The following WDFY1 variants were observed in gnomAD, a reference collection of about 807,000 sequenced individuals.
The protein encoded by WDFY1 is WD repeat and FYVE domain-containing protein 1.
WDFY1 carries 32 observed loss-of-function variants against 56.4 expected under a neutral mutation model. The ratio of observed to expected loss-of-function variants is 0.57; its 90% confidence interval spans 0.43 to 0.76. The LOEUF is 0.76. Among genes scored for constraint, WDFY1 ranks in the 30% least tolerant of loss-of-function variants. The pLI, the probability that WDFY1 is intolerant of heterozygous loss-of-function variation, is 0.00. For synonymous variants in WDFY1, 192 were observed against 197.3 expected (o/e 0.97, Z 0.23); for missense variants, 480 against 545.7 (o/e 0.88, Z 1.20).
At chr2:223,914,585 A>T (rs544746683) in intron 2 of WDFY1, among the ~76,000 whole-genome samples, 1 of 152,320 alleles carries the variant, frequency 6.6e-6, no homozygotes, top group East Asian at 1.9e-4. Context: ...CCAAATGTTT[A>T]CTGTCTGGCC....
At chr2:223,925,046 A>T (rs1289687741) in intron 1 of WDFY1, among the ~76,000 whole-genome samples, 1 of 152,214 alleles carries the variant, frequency 6.6e-6, no homozygotes, top group Non-Finnish European at 1.5e-5. Context: ...CTACAAATTT[A>T]AAAAACTTCA....
At chr2:223,881,435 G>A (rs1693069420) in intron 10 of WDFY1, among the ~76,000 whole-genome samples, 1 of 152,134 alleles carries the variant, frequency 6.6e-6, no homozygotes, top group South Asian at 2.1e-4. Context: ...AGTCAGAGGG[G>A]CAACTTAAGA....
At chr2:223,910,987 A>G (rs1574770631) in intron 3 of WDFY1, among the ~76,000 whole-genome samples, 2 of 152,238 alleles carry the variant, frequency 1.3e-5, no homozygotes, top group African/African-American at 4.8e-5. Flanking sequence ...AACGTTATTG[A>G]TAATAGCCAA....
At chr2:223,901,996 C>T (rs767525641) in intron 4 of WDFY1, among the ~76,000 whole-genome samples, 26 of 152,156 alleles carry the variant, frequency 1.7e-4, no homozygotes, top group Non-Finnish European at 3.5e-4. Context: ...TAAGCCACAC[C>T]GGGGCAGTGT....
At chr2:223,890,190 G>C (rs898511604) in intron 8 of WDFY1, among the ~76,000 whole-genome samples, 1 of 152,164 alleles carries the variant, frequency 6.6e-6, no homozygotes, top group African/African-American at 2.4e-5. Context: ...ATATTACTTT[G>C]GCTGGGCGCA....
chr2:223,929,209 C>CA (rs1694037011), intron 1 of WDFY1, among the ~76,000 whole-genome samples: 3 of 46,298 alleles, frequency 6.5e-5, no homozygotes, highest in African/African-American at 2.4e-4. Flanking sequence ...TTTTTTGAGA[C>CA]AGAGTTTTGC....
intron 1 of WDFY1, among the ~76,000 whole-genome samples, chr2:223,918,754 G>C (rs1410628248): frequency 6.6e-6 from 1 of 152,190 alleles, no homozygotes; most frequent in Non-Finnish European, 1.5e-5. Flanking sequence ...TCTGGGCCGA[G>C]AGGAAGGCGG....
chr2:223,904,737 T>C (rs1478141102), intron 4 of WDFY1, among the ~76,000 whole-genome samples: 2 of 152,148 alleles, frequency 1.3e-5, no homozygotes, highest in Non-Finnish European at 2.9e-5. Context: ...TTTAGAAATA[T>C]AGAGTGAATA....
intron 1 of WDFY1, among the ~76,000 whole-genome samples, chr2:223,942,527 CTTTTTTT>C (rs57223015): frequency 2.7e-5 from 2 of 74,220 alleles, no homozygotes; most frequent in African/African-American, 6.2e-5. Context: ...CAAAGGCTAA[CTTTTTTT>C]TTTTTTTTTT....
In WDFY1 at chr2:223,894,251, C is replaced by T; in HGVS notation, c.814G>A (p.Asp272Asn). 6.2e-7 allele frequency: 1 copy of T among 1,614,186 alleles called. No individual in the cohort carries two copies. Among genetic ancestry groups the T allele is most frequent in the Non-Finnish European group, 8.5e-7 (1 of 1,180,006 alleles). Reference protein sequence around the residue: ...SDGGIAVWNMDVSREEAPQWL... With the variant: ...SDGGIAVWNMNVSREEAPQWL... ...TCTCTTACCTCTTCTCTGCTAACAT[C>T]CATGTTCCACACTGCAATTCCGCCG... Residue 272 changes from aspartate to asparagine, a missense_variant, in exon 8 of 12, where the codon GAT becomes AAT. Physicochemically the swap from Asp to Asn is conservative, Grantham distance 23. Coordinates refer to ENST00000233055, the MANE Select transcript of WDFY1 (RefSeq NM_020830.5).
Position 223,891,488 on chromosome 2 carries a change from CA to C in WDFY1, c.831+2745del, listed in dbSNP as rs146042625. Reference sequence around the variant, plus strand: ...TCTCAGTTATTAAAAAACAAACAAACAAAAAAACCCACTAAAAATAATGCAT... The same window carrying C: ...TCTCAGTTATTAAAAAACAAACAAACAAAAAACCCACTAAAAATAATGCAT... On this transcript the variant is annotated intron_variant, in intron 8 of 11. Coordinates refer to ENST00000233055, the MANE Select transcript of WDFY1 (RefSeq NM_020830.5). Among the ~76,000 whole-genome samples the C allele has an allele frequency of 9.9e-3, 1,437 of 145,628 alleles. 22 individuals carry two copies. The highest frequency in any genetic ancestry group is 0.034 in the African/African-American group (1,361 of 39,490).
At chr2:223,898,239 T>C (rs945004004) in intron 6 of WDFY1, among the ~76,000 whole-genome samples, 1 of 152,148 alleles carries the variant, frequency 6.6e-6, no homozygotes, top group African/African-American at 2.4e-5. Context: ...AAGCAGAGGC[T>C]GAACCAGCCC....
intron 1 of WDFY1, among the ~76,000 whole-genome samples, chr2:223,938,189 A>T (rs1689234070): frequency 6.6e-6 from 1 of 152,232 alleles, no homozygotes; most frequent in African/African-American, 2.4e-5. Context: ...TTCCTGCAGA[A>T]ACCAATCTTG....
At chr2:223,918,205 G>A (rs1465423198) in intron 1 of WDFY1, among the ~76,000 whole-genome samples, 195 bp from the exon 2 acceptor site, 1 of 151,564 alleles carries the variant, frequency 6.6e-6, no homozygotes, top group African/African-American at 2.4e-5. Context: ...ATTATATACA[G>A]ATACATATAT....
chr2:223,898,994 T>C lies in WDFY1; in HGVS notation c.562A>G (p.Thr188Ala). 6.2e-7 allele frequency: 1 copy of C among 1,614,088 alleles called. No homozygotes were observed. Among genetic ancestry groups the C allele is most frequent in the African/African-American group, 1.3e-5 (1 of 75,028 alleles). Residue 188 changes from threonine to alanine, a missense_variant, in exon 6 of 12, where the codon ACG becomes GCG. Coordinates refer to ENST00000233055, the MANE Select transcript of WDFY1 (RefSeq NM_020830.5). ...QITLLKLEQN[T>A]CSVITTLKGH... The stretch of plus-strand genomic sequence containing the variant: ...TTGAGGGTTGTGATGACTGAACACG[T>C]GTTCTGTTCAAGCTTCAGCAGGGTG...
intron 3 of WDFY1, among the ~76,000 whole-genome samples, chr2:223,911,473 A>G (rs749267254): frequency 2.0e-5 from 3 of 152,198 alleles, no homozygotes; most frequent in African/African-American, 2.4e-5. Context: ...ATGCCAGTCT[A>G]TAACAGACTA....
intron 1 of WDFY1, among the ~76,000 whole-genome samples, chr2:223,922,596 G>A (rs1482140479): frequency 2.6e-5 from 4 of 152,160 alleles, no homozygotes; most frequent in African/African-American, 4.8e-5. Context: ...GGGTTTCTTA[G>A]GTCAAAGGAA....
chr2:223,939,095 A>T (rs1307374674), intron 1 of WDFY1, among the ~76,000 whole-genome samples: 2 of 152,162 alleles, frequency 1.3e-5, no homozygotes, highest in Non-Finnish European at 2.9e-5. Flanking sequence ...CCTTTCTTGT[A>T]GAGCCGTGGT....
intron 1 of WDFY1, among the ~76,000 whole-genome samples, chr2:223,919,895 C>G (rs944084248): frequency 2.6e-5 from 4 of 152,222 alleles, no homozygotes; most frequent in Non-Finnish European, 5.9e-5. Context: ...CTCACACACC[C>G]TGACCATAGC....
Sources: gnomAD v4.1 joint callset for allele counts (sites outside exome capture counted in the v4.1 genomes callset) on GRCh38, gnomAD v4.1.1 for gene constraint, MANE v1.5 for transcripts, NCBI Gene and HGNC (gene_info 2026-07-23, HGNC 2026-07-21) for gene names.